The following STK39 variants were observed in gnomAD, a reference collection of about 807,000 sequenced individuals.
The protein encoded by STK39 is STE20/SPS1-related proline-alanine-rich protein kinase.
A neutral mutation model predicts 77.8 loss-of-function variants in STK39; 20 were observed. The observed-to-expected ratio is 0.26, with a 90% CI of 0.18 to 0.37. STK39 has a LOEUF of 0.37. Among genes scored for constraint, STK39 ranks in the 10% least tolerant of loss-of-function variants. The pLI, the probability that STK39 is intolerant of heterozygous loss-of-function variation, is 1.00. For missense variants in STK39, 479 were observed against 656.5 expected (o/e 0.73, Z 2.95); for synonymous variants, 246 against 234.1 (o/e 1.05, Z -0.47).
At chr2:167,973,202 T>C (rs1692398951) in intron 16 of STK39, among the ~76,000 whole-genome samples, 1 of 152,194 alleles carries the variant, frequency 6.6e-6, no homozygotes, top group African/African-American at 2.4e-5. Context: ...TAGTAATCTT[T>C]GGGAAATAAA....
At chr2:168,135,749 G>A (rs1168335777) in intron 8 of STK39, among the ~76,000 whole-genome samples, 1 of 152,108 alleles carries the variant, frequency 6.6e-6, no homozygotes, top group African/African-American at 2.4e-5. Context: ...CAACCTACGT[G>A]TCTTTTCATT....
intron 14 of STK39, among the ~76,000 whole-genome samples, chr2:168,036,739 C>T (rs1313524288): frequency 6.6e-6 from 1 of 152,132 alleles, no homozygotes; most frequent in African/African-American, 2.4e-5. Context: ...GGAAACGTAG[C>T]AACAGGATTC....
rs3769407 is a variant in STK39, at chr2:168,137,842, A to T, written c.974+246T>A. ...CCTTTGATGACAGAGCCCACACTTA[A>T]CAAGCACAGTGAATCTTGTTAACAC... On this transcript the variant is annotated intron_variant, in intron 8 of 17. Coordinates refer to ENST00000355999, the MANE Select transcript of STK39 (RefSeq NM_013233.3). Among the ~76,000 whole-genome samples, 5 of 152,334 alleles carry T rather than the reference A, an allele frequency of 3.3e-5. No homozygotes were observed. The East Asian group carries it at 9.6e-4, about 29-fold the overall frequency.
At chr2:168,058,236 C>T in intron 14 of STK39, among the ~76,000 whole-genome samples, 1 of 152,346 alleles carries the variant, frequency 6.6e-6, no homozygotes, top group Non-Finnish European at 1.5e-5. Context: ...GCATGTGCTT[C>T]ATTTTGCAAA....
chr2:168,130,024 T>G (rs770092183), intron 8 of STK39, among the ~76,000 whole-genome samples: 20 of 152,204 alleles, frequency 1.3e-4, no homozygotes, highest in Non-Finnish European at 2.5e-4. Flanking sequence ...ATCCTTACAC[T>G]TAACTAAGTG....
rs572880062 is a variant in STK39, at chr2:168,122,939, G to A, written c.1089+6602C>T. On this transcript the variant is annotated intron_variant, in intron 10 of 17. Transcript: ENST00000355999. ...AATGTAAATAAATCCATCCTATTAA[G>A]AAGTGATACTTGTGTTTACAATAAA... is the stretch of plus-strand genomic sequence containing the variant. 2.6e-5 allele frequency among the ~76,000 whole-genome samples: 4 copies of A among 152,242 alleles called. No individual in the cohort carries two copies. In the South Asian group the frequency reaches 8.3e-4, roughly 32 times the overall value.
chr2:168,141,432 T>A lies in STK39; in HGVS notation c.629-674A>T, dbSNP rs74403564. 4.9e-3 allele frequency among the ~76,000 whole-genome samples: 743 copies of A among 152,306 alleles called. 9 individuals are homozygous for A. The highest frequency in any genetic ancestry group is 0.017 in the African/African-American group (711 of 41,562). ...CAAAAAGTTTCAGAATTTGGAACAT[T>A]TGAGATTTCACATATTCTGATTTAG... On this transcript the variant is annotated intron_variant, in intron 5 of 17. Transcript: ENST00000355999.
At chr2:168,218,834 T>C (rs1438351465) in intron 1 of STK39, among the ~76,000 whole-genome samples, 2 of 152,084 alleles carry the variant, frequency 1.3e-5, no homozygotes, top group Non-Finnish European at 2.9e-5. Context: ...TTGACAGAAG[T>C]TCATGCATCC....
At chr2:168,040,914 TTC>T (rs1286815165) in intron 14 of STK39, among the ~76,000 whole-genome samples, 4 of 152,254 alleles carry the variant, frequency 2.6e-5, no homozygotes, top group Admixed American at 2.6e-4. Flanking sequence ...AAAGTGACGT[TTC>T]TCTCTTTTTT....
At chr2:168,241,927 C>T (rs1331890990) in intron 1 of STK39, among the ~76,000 whole-genome samples, 2 of 152,238 alleles carry the variant, frequency 1.3e-5, no homozygotes, top group Non-Finnish European at 2.9e-5. Context: ...GCGTCAGTGA[C>T]CGCCATTGCA....
Position 168,247,379 on chromosome 2 carries a change from CG to C in STK39, c.56del (p.Pro19ArgfsTer2). 1.9e-6 allele frequency: 2 copies of C among 1,033,028 alleles called. No individual in the cohort carries two copies. Among genetic ancestry groups the C allele is most frequent in the East Asian group, 4.4e-5 (1 of 22,526 alleles). 64.0% of individuals were successfully genotyped at this position (1,033,028 alleles called of 1,614,324 possible). A position where few individuals can be genotyped will look rare whatever the true frequency, so the allele number is the denominator to read the frequency against. On this transcript the variant is annotated frameshift_variant, in exon 1 of 18. Transcript: ENST00000355999. LOFTEE classifies it high-confidence loss of function. ...GGGCCGCCGCCGCCGCCGCTGTCAC[CG>C]GGGCCGCCTGCTGGGGAAGCTGGAC... ...VHVQLPQQAA[P>X]VTAAAAAAPA...
At chr2:168,042,658 G>A (rs1285630868) in intron 14 of STK39, among the ~76,000 whole-genome samples, 1 of 148,178 alleles carries the variant, frequency 6.7e-6, no homozygotes, top group Non-Finnish European at 1.5e-5. Context: ...TTGGCTCACT[G>A]CAACCTCTGC....
chr2:168,240,561 G>T (rs1328671501), intron 1 of STK39, among the ~76,000 whole-genome samples: 1 of 152,216 alleles, frequency 6.6e-6, no homozygotes, highest in Non-Finnish European at 1.5e-5. Context: ...AGATGTGAGA[G>T]ATGGACAAAG....
rs528139596 is a variant in STK39 at position 167,971,902 on chromosome 2, A to C, written c.1499-7176T>G. Among the ~76,000 whole-genome samples, 175 of 152,354 alleles carry C rather than the reference A, an allele frequency of 1.1e-3. 2 individuals are homozygous for C. Among genetic ancestry groups the C allele is most frequent in the African/African-American group, 3.7e-3 (153 of 41,584 alleles). On this transcript the variant is annotated intron_variant, in intron 16 of 17. Transcript: ENST00000355999. ...ACCAGGGGCAAGTTTGAGCCTTGCC[A>C]GTTCAATGCTGAGTGGCTGATGTCT...
chr2:168,071,928 T>G (rs1685952433), intron 12 of STK39, among the ~76,000 whole-genome samples: 2 of 150,986 alleles, frequency 1.3e-5, no homozygotes, highest in South Asian at 4.2e-4. Flanking sequence ...CAATTCTAAG[T>G]ACCTATAATT....
At chr2:168,103,631 T>C (rs1441629850) in intron 10 of STK39, among the ~76,000 whole-genome samples, 2 of 152,210 alleles carry the variant, frequency 1.3e-5, no homozygotes, top group Non-Finnish European at 2.9e-5. Flanking sequence ...CATGGAAAGG[T>C]TATTTCTCTT....
rs1164306907 is a variant in STK39, at chr2:168,018,529, A to AAAG, written c.1377-1435_1377-1434insCTT. On this transcript the variant is annotated intron_variant, in intron 14 of 17. Transcript: ENST00000355999. ...AAGAAAGAAAAGAAAGAAAAGAAAG[A>AAAG]AAAGAAAGAAAAGAAAGAAAGAAAG... Among the ~76,000 whole-genome samples the AAAG allele has an allele frequency of 3.2e-3, 255 of 80,634 alleles. 1 individual carries two copies. Among genetic ancestry groups the AAAG allele is most frequent in the Middle Eastern group, 0.021 (4 of 188 alleles). 52.9% of individuals were successfully genotyped at this position (80,634 alleles called of 152,430 possible). A position where few individuals can be genotyped will look rare whatever the true frequency, so the allele number is the denominator to read the frequency against.
At chr2:168,130,051 AAG>A (rs930634774) in intron 8 of STK39, among the ~76,000 whole-genome samples, 20 of 152,278 alleles carry the variant, frequency 1.3e-4, no homozygotes, top group Admixed American at 1.0e-3. Context: ...GTGTTTCTAA[AAG>A]GGGGCAGACT....
intron 5 of STK39, among the ~76,000 whole-genome samples, chr2:168,153,909 G>C (rs1688358427): frequency 6.6e-6 from 1 of 152,194 alleles, no homozygotes; most frequent in African/African-American, 2.4e-5. Context: ...CAAGGGGTTG[G>C]AGGGTTTTGA....
Sources: allele counts gnomAD v4.1 joint callset (sites outside exome capture counted in the v4.1 genomes callset), GRCh38; gene constraint gnomAD v4.1.1; transcripts MANE v1.5; gene names NCBI Gene and HGNC (gene_info 2026-07-23, HGNC 2026-07-21).